The following ANKRD17 variants were observed in gnomAD, a reference collection of about 807,000 sequenced individuals.
The protein encoded by ANKRD17 is ankyrin repeat domain-containing protein 17.
Under a neutral mutation model 229.7 loss-of-function variants are expected in ANKRD17, and 19 were observed. That is an observed-to-expected ratio of 0.08 (90% CI 0.06 to 0.12). ANKRD17 has a LOEUF of 0.12. Among genes scored for constraint, ANKRD17 ranks in the 10% least tolerant of loss-of-function variants. The pLI is 1.00. For missense variants in ANKRD17, 2,176 were observed against 3,176.8 expected, an observed-to-expected ratio of 0.68 and a Z score of 7.57; for synonymous variants, 1,112 against 1,146.1, an observed-to-expected ratio of 0.97 and a Z score of 0.60.
chr4:73,096,648 T>C (rs538088773), intron 27 of ANKRD17, among the ~76,000 whole-genome samples: 1 of 152,344 alleles, frequency 6.6e-6, no homozygotes, highest in East Asian at 1.9e-4. Flanking sequence ...TTTACGTTTC[T>C]GAGATATTGT....
intron 6 of ANKRD17, among the ~76,000 whole-genome samples, chr4:73,151,829 T>C (rs1048866659): frequency 2.0e-5 from 3 of 152,158 alleles, no homozygotes; most frequent in African/African-American, 7.2e-5. Context: ...CCCAGGCATG[T>C]TATATAGTTA....
Position 73,258,755 on chromosome 4 carries a change from C to T in ANKRD17, c.-87G>A, listed in dbSNP as rs2149301104. ...TTCGGCCGCACTGGGGCCGACACAGCAATCGGTGCCGCCTCCGCCGCCACC... is the reference window on the plus strand; with the variant it reads ...TTCGGCCGCACTGGGGCCGACACAGTAATCGGTGCCGCCTCCGCCGCCACC... On this transcript the variant is annotated 5_prime_UTR_variant, in exon 1 of 34. Transcript: ENST00000358602. 1.5e-6 allele frequency: 2 copies of T among 1,364,348 alleles called. No homozygotes were observed. The highest frequency in any genetic ancestry group is 3.1e-5 in the East Asian group (1 of 32,492). The allele number at this position is 1,364,348 out of a possible 1,614,324, so 84.5% of individuals were successfully genotyped here.
intron 16 of ANKRD17, among the ~76,000 whole-genome samples, chr4:73,126,719 A>G (rs1438213343): frequency 6.6e-6 from 1 of 152,008 alleles, no homozygotes; most frequent in Non-Finnish European, 1.5e-5. Context: ...CTAATTTCTC[A>G]TACTTTTATT....
chr4:73,187,326 C>G (rs1157545004), intron 1 of ANKRD17, among the ~76,000 whole-genome samples: 1 of 152,060 alleles, frequency 6.6e-6, no homozygotes, highest in African/African-American at 2.4e-5. Flanking sequence ...CAAGACTAAG[C>G]AGCTAGAAAA....
chr4:73,148,053 G>C (rs1272485885), intron 8 of ANKRD17, among the ~76,000 whole-genome samples: 2 of 152,164 alleles, frequency 1.3e-5, no homozygotes, highest in East Asian at 1.9e-4. Flanking sequence ...CTGAGGCACA[G>C]AAGGTTAGAA....
intron 1 of ANKRD17, among the ~76,000 whole-genome samples, chr4:73,193,719 G>A (rs1737443833): frequency 6.6e-6 from 1 of 152,078 alleles, no homozygotes; most frequent in Admixed American, 6.6e-5. Flanking sequence ...GATTGCTTGA[G>A]CCTAGGAGTT....
intron 1 of ANKRD17, among the ~76,000 whole-genome samples, chr4:73,189,828 C>T (rs1218178653): frequency 3.3e-5 from 5 of 152,024 alleles, no homozygotes; most frequent in African/African-American, 1.2e-4. Flanking sequence ...AAAAAATGAA[C>T]CTTTCAGACT....
chr4:73,189,480 T>G (rs1036449207), intron 1 of ANKRD17, among the ~76,000 whole-genome samples: 3 of 127,386 alleles, frequency 2.4e-5, no homozygotes, highest in Non-Finnish European at 4.7e-5. Context: ...CACTGCAACC[T>G]CCATTTCCTG....
intron 1 of ANKRD17, among the ~76,000 whole-genome samples, chr4:73,238,592 A>G (rs1743728996): frequency 6.6e-6 from 1 of 152,106 alleles, no homozygotes; most frequent in Non-Finnish European, 1.5e-5. Context: ...GGTCTTCCAT[A>G]ACCCTCCTTA....
rs144246217 is a variant in ANKRD17 at position 73,078,858 on chromosome 4, G to C, written c.7192C>G (p.Arg2398Gly). Residue 2398 changes from arginine to glycine, a missense_variant, in exon 31 of 34, where the codon CGT becomes GGT. Physicochemically the swap from Arg to Gly is moderately radical, Grantham distance 125. Around this residue, in one of 18 missense-constraint regions of ANKRD17, gnomAD observed 87 missense variants for 116.0 expected, o/e 0.75. Transcript: ENST00000358602. Reference sequence around the variant, plus strand: ...GATGATGGGGCAGGAGATGGTGCACGAACTCCCGAGGATACTGACTGTGCA... The same window carrying C: ...GATGATGGGGCAGGAGATGGTGCACCAACTCCCGAGGATACTGACTGTGCA... ...SSAQSVSSGV[R>G]APSPAPSSVP... The C allele has an allele frequency of 6.2e-7, 1 of 1,614,126 alleles. No homozygotes were observed. The highest frequency in any genetic ancestry group is 2.2e-5 in the East Asian group (1 of 44,872).
chr4:73,105,826 T>C (rs1226589971), intron 24 of ANKRD17, among the ~76,000 whole-genome samples: 2 of 152,148 alleles, frequency 1.3e-5, no homozygotes, highest in African/African-American at 4.8e-5. Context: ...GCTACCCTGA[T>C]TGTACCTCTG....
In ANKRD17 at chr4:73,098,270, G is replaced by A; in HGVS notation, c.4824C>T (p.Thr1608=). 6.2e-7 allele frequency: 1 copy of A among 1,614,180 alleles called. No homozygotes were observed. The highest frequency in any genetic ancestry group is 8.5e-7 in the Non-Finnish European group (1 of 1,180,036). ...TGTTATCACTGTCCCCACTCTCGCT[G>A]GTACTGCTGCTCTTGGACTCTCCAT... is the stretch of plus-strand genomic sequence containing the variant. ...KVNGESKSSS[T]SESGDSDNMR... Residue 1608 remains threonine, a synonymous_variant, in exon 26 of 34, where the codon ACC becomes ACT. Transcript: ENST00000358602.
chr4:73,226,438 G>T (rs1294764066), intron 1 of ANKRD17, among the ~76,000 whole-genome samples: 1 of 117,688 alleles, frequency 8.5e-6, no homozygotes, highest in Non-Finnish European at 1.6e-5. Context: ...ACTGTCGCCT[G>T]GGGTGGAGTG....
At position 73,135,209 on chromosome 4, in the gene ANKRD17, A is replaced by T; in HGVS notation, c.3142T>A (p.Ser1048Thr). The T allele has an allele frequency of 1.2e-6, 2 of 1,613,952 alleles. No individual in the cohort carries two copies. The highest frequency in any genetic ancestry group is 1.1e-5 in the South Asian group (1 of 91,074). Residue 1048 changes from serine to threonine, a missense_variant, in exon 16 of 34, where the codon TCC (serine) becomes ACC (threonine). Physicochemically the swap from Ser to Thr is moderately conservative, Grantham distance 58. This residue lies in a region of ANKRD17 where 230 missense variants were observed against 252.3 expected (regional missense o/e 0.91). Transcript: ENST00000358602. ...SNTPTHSIAA[S>T]ISQPQTPTPS... ...GTTGGAGTCTGAGGTTGGGAAATGG[A>T]TGCAGCAATACTGTGGGTAGGAGTG...
At chr4:73,121,455 T>G (rs1460761233) in intron 19 of ANKRD17, 162 bp downstream of exon 19, 3 of 789,864 alleles carry the variant, frequency 3.8e-6, no homozygotes, top group Non-Finnish European at 6.1e-6. Context: ...ATATCAAGTT[T>G]TAATTACTTA....
At chr4:73,139,068 T>A (rs1729282263) in intron 15 of ANKRD17, among the ~76,000 whole-genome samples, 1 of 151,976 alleles carries the variant, frequency 6.6e-6, no homozygotes, top group East Asian at 1.9e-4. Context: ...TAAATATCCA[T>A]CAGGTTTGAA....
chr4:73,169,043 C>T (rs1426493013), intron 2 of ANKRD17: 1 of 152,064 alleles, frequency 6.6e-6, no homozygotes, highest in African/African-American at 2.4e-5. Context: ...TTTTTTTGTT[C>T]CTGCGTTAAT....
intron 1 of ANKRD17, among the ~76,000 whole-genome samples, chr4:73,253,841 C>T (rs1273279476): frequency 2.0e-5 from 3 of 152,202 alleles, no homozygotes; most frequent in African/African-American, 7.2e-5. Context: ...GAAATCTGAA[C>T]TTCAGCTATT....
At chr4:73,197,606 G>A (rs1477344948) in intron 1 of ANKRD17, among the ~76,000 whole-genome samples, 1 of 152,138 alleles carries the variant, frequency 6.6e-6, no homozygotes, top group Non-Finnish European at 1.5e-5. Flanking sequence ...GAGGTGGAAG[G>A]ATAAACTTGA....
Sources: allele counts gnomAD v4.1 joint callset (sites outside exome capture counted in the v4.1 genomes callset), GRCh38; gene constraint gnomAD v4.1.1; regional missense constraint gnomAD v4.1.1; transcripts MANE v1.5; gene names NCBI Gene and HGNC (gene_info 2026-07-23, HGNC 2026-07-21).